NMT1: variants seen among roughly 807,000 people sequenced by gnomAD.
NMT1 encodes the protein N-myristoyltransferase 1, also known as glycylpeptide N-tetradecanoyltransferase 1.
NMT1 carries 12 observed loss-of-function variants against 63.4 expected under a neutral mutation model. The ratio of observed to expected loss-of-function variants is 0.19; its 90% confidence interval spans 0.12 to 0.31. The LOEUF (loss-of-function observed/expected upper bound fraction) is 0.31, where lower values mean the gene tolerates loss of function less well. Ranked by LOEUF, NMT1 falls within the 10% of genes least tolerant of loss-of-function variation. NMT1 has a pLI of 1.00. For synonymous variants in NMT1, 228 were observed against 234.3 expected (o/e 0.97, Z 0.25); for missense variants, 432 against 634.6 (o/e 0.68, Z 3.43).
At chr17:45,098,646 C>A in intron 7 of NMT1, 94 bp downstream of exon 7, 1 of 1,188,340 alleles carries the variant, frequency 8.4e-7, no homozygotes. Flanking sequence ...CCGCCCTTAG[C>A]ATCCCACCTC....
At chr17:45,102,749 C>G (rs1187359903) in intron 8 of NMT1, among the ~76,000 whole-genome samples, 2 of 152,192 alleles carry the variant, frequency 1.3e-5, no homozygotes, top group African/African-American at 4.8e-5. Context: ...ATTGATGTAG[C>G]AGTCTGAGTC....
At chr17:45,086,462 T>TA in intron 2 of NMT1, 46 bp from the exon 3 acceptor site, 1 of 1,560,024 alleles carries the variant, frequency 6.4e-7, no homozygotes. Context: ...TCAAAAGTCT[T>TA]ACTAACATAA....
chr17:45,082,537 C>G (rs1413338469), intron 2 of NMT1, among the ~76,000 whole-genome samples: 1 of 152,182 alleles, frequency 6.6e-6, no homozygotes, highest in East Asian at 1.9e-4. Flanking sequence ...AACCACTGGC[C>G]TAAAGGCTTA....
chr17:45,097,785 C>T (rs778041208), intron 6 of NMT1, among the ~76,000 whole-genome samples: 36 of 152,196 alleles, frequency 2.4e-4, no homozygotes, highest in Non-Finnish European at 4.4e-5. Flanking sequence ...GCTGGGATTA[C>T]AGGCATGCGC....
intron 1 of NMT1, among the ~76,000 whole-genome samples, chr17:45,080,465 C>CTTTTTT (rs35346554): frequency 1.4e-5 from 1 of 70,194 alleles, no homozygotes; most frequent in Non-Finnish European, 2.8e-5. Flanking sequence ...CAGCCTTTTC[C>CTTTTTT]TTTTTTTTTT....
rs537713053 is a variant in NMT1, at chr17:45,100,795, G to A, written c.993+1282G>A. Among the ~76,000 whole-genome samples the A allele has an allele frequency of 1.9e-4, 27 of 140,374 alleles. No individual in the cohort carries two copies. The South Asian group carries it at 5.0e-3, about 26-fold the overall frequency. The allele number at this position is 140,374 out of a possible 152,430, so 92.1% of individuals were successfully genotyped here. ...GGAGAATGGCATGAACCTGGGAGGC[G>A]GAGCTTGCAGTGAGCCAAGATCGCA... On this transcript the variant is annotated intron_variant, in intron 8 of 11. Transcript: ENST00000258960.
chr17:45,099,212 GA>G (rs1412502872), intron 7 of NMT1, among the ~76,000 whole-genome samples, 192 bp from the exon 8 acceptor site: 2 of 152,182 alleles, frequency 1.3e-5, no homozygotes, highest in Non-Finnish European at 2.9e-5. Flanking sequence ...TAGGGAGAAA[GA>G]AAATCCAGGA....
At position 45,066,478 on chromosome 17, in the gene NMT1, G is replaced by A. The variant is rs115455917; in HGVS notation, c.131+5018G>A. Among the ~76,000 whole-genome samples, 327 of 152,118 alleles carry A rather than the reference G, an allele frequency of 2.1e-3. 1 individual carries two copies. The highest frequency in any genetic ancestry group is 7.6e-3 in the African/African-American group (315 of 41,510). On this transcript the variant is annotated intron_variant, in intron 1 of 11. Transcript: ENST00000258960. ...TGAATATAAAACTTCATGTGGTTGTGTGTAGTGGCTCATGCCTGTAATCTC... is the reference window on the plus strand; with the variant it reads ...TGAATATAAAACTTCATGTGGTTGTATGTAGTGGCTCATGCCTGTAATCTC...
chr17:45,064,875 G>A (rs1358743318), intron 1 of NMT1, among the ~76,000 whole-genome samples: 1 of 152,010 alleles, frequency 6.6e-6, no homozygotes, highest in Non-Finnish European at 1.5e-5. Flanking sequence ...TGTGACCTTG[G>A]GAAAGGTACT....
chr17:45,061,496 C>G (rs769433108), intron 1 of NMT1, 36 bp downstream of exon 1: 4 of 1,595,082 alleles, frequency 2.5e-6, no homozygotes, highest in Non-Finnish European at 3.4e-6. Flanking sequence ...CCCGTCCAGC[C>G]TCCCACAACC....
At chr17:45,063,517 T>C (rs2053881800) in intron 1 of NMT1, among the ~76,000 whole-genome samples, 1 of 152,230 alleles carries the variant, frequency 6.6e-6, no homozygotes, top group Non-Finnish European at 1.5e-5. Context: ...CTTTTATTTT[T>C]ATCTTCTTAA....
chr17:45,073,932 C>A (rs960570749), intron 1 of NMT1, among the ~76,000 whole-genome samples: 2 of 152,186 alleles, frequency 1.3e-5, no homozygotes, highest in African/African-American at 4.8e-5. Context: ...TCTTCCCAGG[C>A]ATGCAGTTTT....
intron 1 of NMT1, among the ~76,000 whole-genome samples, chr17:45,070,914 G>A (rs766685949): frequency 5.3e-5 from 8 of 152,194 alleles, no homozygotes; most frequent in Non-Finnish European, 8.8e-5. Flanking sequence ...GGATTCACAA[G>A]CAGTTTTTGA....
chr17:45,068,647 T>TTTTG (rs1476741751), intron 1 of NMT1, among the ~76,000 whole-genome samples: 1 of 152,148 alleles, frequency 6.6e-6, no homozygotes, highest in South Asian at 2.1e-4. Context: ...CTTTAGCGAT[T>TTTTG]TTTGTTTGTT....
intron 2 of NMT1, among the ~76,000 whole-genome samples, chr17:45,086,124 CTTT>C (rs758394346): frequency 1.7e-5 from 2 of 117,490 alleles, no homozygotes; most frequent in Admixed American, 9.3e-5. Context: ...GCCCAGCACT[CTTT>C]TTTTTTTTTT....
Position 45,099,398 on chromosome 17 carries a change from C to T in NMT1, c.885-7C>T, listed in dbSNP as rs749910282. On this transcript the variant is annotated splice_polypyrimidine_tract_variant and splice_region_variant and intron_variant, in intron 7 of 11. Transcript: ENST00000258960. ...ACCCTGAGGACAGGACATTTGTGTC[C>T]CCACAGGTATTGGCATCGGTCCCTA... The T allele has an allele frequency of 2.4e-5, 38 of 1,588,928 alleles. No homozygotes were observed. Among genetic ancestry groups the T allele is most frequent in the Non-Finnish European group, 3.1e-5 (36 of 1,156,904 alleles).
At chr17:45,096,094 A>T in intron 4 of NMT1, 100 bp from the exon 5 acceptor site, 23 of 866,780 alleles carry the variant, frequency 2.7e-5, no homozygotes, top group Middle Eastern at 2.3e-4. Flanking sequence ...CGTTTTTGGT[A>T]GTTTGCTTCA....
At chr17:45,096,025 T>C (rs2054123097) in intron 4 of NMT1, among the ~76,000 whole-genome samples, 169 bp from the exon 5 acceptor site, 1 of 152,078 alleles carries the variant, frequency 6.6e-6, no homozygotes. Flanking sequence ...ATAACTAGGG[T>C]GTTTGCTCCA....
chr17:45,105,548 G>T lies in NMT1; in HGVS notation c.1471-71G>T. 2 of 1,568,784 alleles carry T rather than the reference G, an allele frequency of 1.3e-6. No homozygotes were observed. Among genetic ancestry groups the T allele is most frequent in the South Asian group, 2.2e-5 (2 of 89,606 alleles). On this transcript the variant is annotated intron_variant, in intron 11 of 11. Transcript: ENST00000258960. This position sits in a 1 kb window ranked among gnomAD's most constrained non-coding sequence, Gnocchi z 4.2. ...CGGGCCCAGCCACTCGGAACTTCAG[G>T]GATAGGGGGTGTGGGAGAGTCTTTG... is the stretch of plus-strand genomic sequence containing the variant.
Sources: gnomAD v4.1 joint callset for allele counts (sites outside exome capture counted in the v4.1 genomes callset) on GRCh38, gnomAD v4.1.1 for gene constraint, Gnocchi (gnomAD v3.1) non-coding constraint, MANE v1.5 for transcripts, NCBI Gene and HGNC (gene_info 2026-07-23, HGNC 2026-07-21) for gene names.